TMEM25: variants seen among roughly 807,000 people sequenced by gnomAD.
TMEM25 encodes the protein 0610039J01Rik.
In TMEM25, 36 loss-of-function variants were observed where a neutral mutation model predicts 37.0. The ratio of observed to expected loss-of-function variants is 0.97; its 90% CI spans 0.75 to 1.28. The LOEUF (loss-of-function observed/expected upper bound fraction) is 1.28. Ranked by LOEUF, TMEM25 falls within the 50% of genes most tolerant of loss-of-function variation. The pLI is 0.00. For synonymous variants in TMEM25, 197 were observed against 203.7 expected (o/e 0.97, Z 0.28); for missense variants, 444 against 477.9 (o/e 0.93, Z 0.66).
chr11:118,545,912 C>T, intron 8 of TMEM25: 2 of 1,370,324 alleles, frequency 1.5e-6, no homozygotes, highest in East Asian at 2.3e-5. Context: ...CCCAGAACCA[C>T]TCTCTCTCTC....
intron 8 of TMEM25, chr11:118,545,609 G>A: frequency 9.2e-7 from 1 of 1,084,766 alleles, no homozygotes; most frequent in Non-Finnish European, 1.4e-6. Context: ...GACTTTGGGG[G>A]TTAAATACCC....
chr11:118,544,548 T>C (rs560192814), intron 8 of TMEM25: 1 of 210,718 alleles, frequency 4.7e-6, no homozygotes, highest in South Asian at 1.0e-4. Context: ...GAGCATTTGA[T>C]TTATAAAATC....
rs1401005180 is a variant in TMEM25 at position 118,533,556 on chromosome 11, G to A, written c.805+5G>A. 2.5e-6 allele frequency: 4 copies of A among 1,613,950 alleles called. No individual in the cohort carries two copies. The highest frequency in any genetic ancestry group is 4.5e-5 in the East Asian group (2 of 44,876). On this transcript the variant is annotated splice_donor_5th_base_variant and intron_variant, in intron 5 of 8. Coordinates refer to ENST00000313236, the MANE Select transcript of TMEM25 (RefSeq NM_032780.4). ...GAAAAGAGAAGAAAACCAAAGGTAGGCCAGGGACACTGGGGGCAGTGTGGA... is the reference window on the plus strand; with the variant it reads ...GAAAAGAGAAGAAAACCAAAGGTAGACCAGGGACACTGGGGGCAGTGTGGA...
chr11:118,534,639 G>C lies in TMEM25; in HGVS notation c.*59G>C. 2 of 1,598,548 alleles carry C rather than the reference G, an allele frequency of 1.3e-6. No individual in the cohort carries two copies. Among genetic ancestry groups the C allele is most frequent in the Non-Finnish European group, 1.7e-6 (2 of 1,170,160 alleles). ...CTGGACACCCTCCCGTTCCTCCAAGGCATCCTCTACCTAGCTAGGTCACCA... is the reference window on the plus strand; with the variant it reads ...CTGGACACCCTCCCGTTCCTCCAAGCCATCCTCTACCTAGCTAGGTCACCA... On this transcript the variant is annotated 3_prime_UTR_variant, in exon 9 of 9. Coordinates refer to ENST00000313236, the MANE Select transcript of TMEM25 (RefSeq NM_032780.4). The surrounding 1 kb of genome is among the most constrained non-coding windows in gnomAD (Gnocchi z 4.6).
intron 1 of TMEM25, 62 bp downstream of exon 1, chr11:118,531,296 T>C: frequency 3.0e-6 from 1 of 338,458 alleles, no homozygotes; most frequent in Non-Finnish European, 5.5e-6. Flanking sequence ...CCTCCGACCC[T>C]CTCCTCTTCC....
intron 8 of TMEM25, among the ~76,000 whole-genome samples, chr11:118,542,364 C>T (rs570859358): frequency 6.4e-4 from 97 of 152,330 alleles, no homozygotes; most frequent in African/African-American, 2.3e-3. Flanking sequence ...GCAGAGCCCT[C>T]GTGACCCAAA....
chr11:118,533,371 G>A, intron 4 of TMEM25, 49 bp from the exon 5 acceptor site: 2 of 1,609,760 alleles, frequency 1.2e-6, no homozygotes, highest in South Asian at 2.2e-5. Flanking sequence ...TGGCATGTTG[G>A]GGCTGGGGCA....
At position 118,531,415 on chromosome 11, in the gene TMEM25, G is replaced by C. The variant is rs968129382; in HGVS notation, c.-28+181G>C. On this transcript the variant is annotated intron_variant, in intron 1 of 8. Coordinates refer to ENST00000313236, the MANE Select transcript of TMEM25 (RefSeq NM_032780.4). ...GGGAACAGGGCAGGAGAGAGAATAGGATTAGGAGAAAGGCGATCCCTTTGG... is the reference window on the plus strand; with the variant it reads ...GGGAACAGGGCAGGAGAGAGAATAGCATTAGGAGAAAGGCGATCCCTTTGG... 3 of 406,402 alleles carry C rather than the reference G, an allele frequency of 7.4e-6. No homozygotes were observed. The South Asian group carries it at 8.8e-5, about 12-fold the overall frequency. The allele number at this position is 406,402 out of a possible 1,614,324, so 25.2% of individuals were successfully genotyped here.
Position 118,534,954 on chromosome 11 carries a change from G to T in TMEM25, c.*374G>T. ...CCACCCCAGTACTCCACAGCACCTT[G>T]TACAGTAGGCATGGGGGCGTGCCTG... is the stretch of plus-strand genomic sequence containing the variant. On this transcript the variant is annotated 3_prime_UTR_variant, in exon 9 of 9. Coordinates refer to ENST00000313236, the MANE Select transcript of TMEM25 (RefSeq NM_032780.4). The surrounding 1 kb of genome is among the most constrained non-coding windows in gnomAD (Gnocchi z 4.6). 9.1e-7 allele frequency: 1 copy of T among 1,100,566 alleles called. No individual in the cohort carries two copies. Among genetic ancestry groups the T allele is most frequent in the South Asian group, 2.9e-5 (1 of 34,516 alleles). The allele number at this position is 1,100,566 out of a possible 1,614,324, so 68.2% of individuals were successfully genotyped here. A position where few individuals can be genotyped will look rare whatever the true frequency, so the allele number is the denominator to read the frequency against.
chr11:118,531,458 T>C (rs1951259526), intron 1 of TMEM25: 2 of 460,810 alleles, frequency 4.3e-6, no homozygotes, highest in Non-Finnish European at 3.9e-6. Context: ...GCGCGTGGAG[T>C]ATGTGTGTGA....
In TMEM25 at chr11:118,533,059, C is replaced by G. The variant is rs1951367628; in HGVS notation, c.525C>G (p.Asn175Lys). ...ACCAGGATGGGCCAGTGACTGTCAA[C>G]ACCTCTGACTTCCTGGTGCTGGATG... Reference protein sequence around the residue: ...WIDQDGPVTVNTSDFLVLDAQ... With the variant: ...WIDQDGPVTVKTSDFLVLDAQ... Residue 175 changes from asparagine to lysine, a missense_variant, in exon 4 of 9, where the codon AAC becomes AAG. By Grantham distance (94) the Asn-to-Lys change is moderately conservative (BLOSUM62 0). Coordinates refer to ENST00000313236, the MANE Select transcript of TMEM25 (RefSeq NM_032780.4). The G allele has an allele frequency of 6.8e-6, 11 of 1,614,240 alleles. No homozygotes were observed. The South Asian group carries it at 1.2e-4, about 18-fold the overall frequency.
At position 118,533,865 on chromosome 11, in the gene TMEM25, C is replaced by T. The variant is rs199815386; in HGVS notation, c.814C>T (p.Arg272Trp). Reference sequence around the variant, plus strand: ...GGTTTCTTTCTCCACAGGCCCCTCCCGGCACCCATCTCTGATATCAAGGTA... The same window carrying T: ...GGTTTCTTTCTCCACAGGCCCCTCCTGGCACCCATCTCTGATATCAAGGTA... ...RKEKKTKGPS[R>W]HPSLISSDSN... The change falls in exon 6 of 9, where the codon CGG (arginine) becomes TGG (tryptophan). Residue 272 changes from arginine (R) to tryptophan (W), a missense_variant. By Grantham distance (101) the Arg-to-Trp change is moderately radical. Coordinates refer to ENST00000313236, the MANE Select transcript of TMEM25 (RefSeq NM_032780.4). 1.1e-4 allele frequency: 176 copies of T among 1,613,922 alleles called. 1 individual carries two copies. In the Middle Eastern group the frequency reaches 2.0e-3, roughly 18 times the overall value.
chr11:118,531,721 A>T, intron 1 of TMEM25, 54 bp from the exon 2 acceptor site: 4 of 1,314,050 alleles, frequency 3.0e-6, no homozygotes, highest in Non-Finnish European at 4.1e-6. Flanking sequence ...TCCTGGAGCA[A>T]TTGCTAGGCC....
chr11:118,542,110 C>T (rs782395350), intron 8 of TMEM25, among the ~76,000 whole-genome samples: 3 of 152,112 alleles, frequency 2.0e-5, no homozygotes, highest in Non-Finnish European at 2.9e-5. Flanking sequence ...TTTGTTCCTG[C>T]GTTAATTCGC....
At chr11:118,546,430 G>A (rs1951688215) in exon 9 of TMEM25, 1 of 412,586 alleles carries the variant, frequency 2.4e-6, no homozygotes, top group Non-Finnish European at 4.5e-6. Flanking sequence ...GGTTGAGGCT[G>A]CAGTGAGCTG....
intron 8 of TMEM25, chr11:118,544,883 G>T: frequency 6.7e-7 from 1 of 1,493,160 alleles, no homozygotes; most frequent in Non-Finnish European, 9.3e-7. Context: ...AGAGGGGCCA[G>T]CTCAGCCTTG....
At chr11:118,545,273 A>T in intron 8 of TMEM25, 1 of 774,912 alleles carries the variant, frequency 1.3e-6, no homozygotes, top group Non-Finnish European at 2.2e-6. Context: ...TTGCTCTCCT[A>T]ATTATGGGAA....
Position 118,534,940 on chromosome 11 carries a change from C to T in TMEM25, c.*360C>T. On this transcript the variant is annotated 3_prime_UTR_variant, in exon 9 of 9. Transcript: ENST00000313236. The surrounding 1 kb of genome is among the most constrained non-coding windows in gnomAD (Gnocchi z 4.6). ...GCCTGCTGTATACCCCACCCCAGTA[C>T]TCCACAGCACCTTGTACAGTAGGCA... 1 of 1,148,820 alleles carries T rather than the reference C, an allele frequency of 8.7e-7. No homozygotes were observed. 71.2% of individuals were successfully genotyped at this position (1,148,820 alleles called of 1,614,324 possible). A position where few individuals can be genotyped will look rare whatever the true frequency, so the allele number is the denominator to read the frequency against.
downstream of TMEM25, among the ~76,000 whole-genome samples, chr11:118,540,595 G>C (rs571818569): frequency 3.3e-5 from 5 of 152,192 alleles, no homozygotes; most frequent in Non-Finnish European, 7.3e-5. Context: ...TCCTGACAAG[G>C]CTTCCATCTT....
Sources: allele counts gnomAD v4.1 joint callset (sites outside exome capture counted in the v4.1 genomes callset), GRCh38; gene constraint gnomAD v4.1.1; non-coding constraint Gnocchi (gnomAD v3.1); transcripts MANE v1.5; gene names NCBI Gene and HGNC (gene_info 2026-07-23, HGNC 2026-07-21).